CRPPA: variants seen among roughly 807,000 people sequenced by gnomAD.
The protein encoded by CRPPA is CDP-L-ribitol pyrophosphorylase A.
Under a neutral mutation model 52.0 loss-of-function variants are expected in CRPPA, and 43 were observed. The ratio of observed to expected loss-of-function variants is 0.83; its 90% CI spans 0.65 to 1.07. CRPPA has a LOEUF of 1.07. Ranked by LOEUF, CRPPA falls within the 50% of genes least tolerant of loss-of-function variation. CRPPA has a pLI of 0.00. For synonymous variants in CRPPA, 250 were observed against 203.5 expected, an observed-to-expected ratio of 1.23 and a Z score of -1.94; for missense variants, 629 against 551.7, an observed-to-expected ratio of 1.14 and a Z score of -1.40.
At chr7:16,297,041 T>C (rs1784688598) in intron 5 of CRPPA, among the ~76,000 whole-genome samples, 1 of 152,202 alleles carries the variant, frequency 6.6e-6, no homozygotes, top group East Asian at 1.9e-4. Flanking sequence ...ATCCAGCATC[T>C]GCTTTAGCAG....
intron 9 of CRPPA, among the ~76,000 whole-genome samples, chr7:16,212,129 C>T (rs41477654): frequency 0.026 from 3,963 of 151,958 alleles, 122 homozygotes; most frequent in East Asian, 0.14. Context: ...GATCTGCAGT[C>T]GTAGGAACAA....
At chr7:16,213,487 A>G (rs1330773423) in intron 9 of CRPPA, among the ~76,000 whole-genome samples, 2 of 151,994 alleles carry the variant, frequency 1.3e-5, no homozygotes, top group Admixed American at 1.3e-4. Context: ...GGTGGCTCAC[A>G]CCTGTAATCC....
At chr7:16,340,626 A>C (rs560011129) in intron 3 of CRPPA, among the ~76,000 whole-genome samples, 2,116 of 148,646 alleles carry the variant, frequency 0.014, 59 homozygotes, top group African/African-American at 0.05. Flanking sequence ...GAAAAAAAAA[A>C]CGAAAAAACC....
intron 9 of CRPPA, among the ~76,000 whole-genome samples, chr7:16,092,198 G>A (rs768926006): frequency 1.1e-4 from 16 of 152,036 alleles, no homozygotes; most frequent in Non-Finnish European, 1.8e-4. Flanking sequence ...TGTGAGTACC[G>A]GTATAGGGGG....
In CRPPA at chr7:16,159,989, T is replaced by C. The variant is rs1238269466; in HGVS notation, c.1251+56077A>G. On this transcript the variant is annotated intron_variant, in intron 9 of 9. Coordinates refer to ENST00000407010, the MANE Select transcript of CRPPA (RefSeq NM_001101426.4). The stretch of plus-strand genomic sequence containing the variant: ...CATAACCGTCTTCTTTTGAAAAGTG[T>C]CTGTTCATATCCTTTGCCCACTTTT... Among the ~76,000 whole-genome samples, 5 of 152,262 alleles carry C rather than the reference T, an allele frequency of 3.3e-5. No homozygotes were observed. The East Asian group carries it at 5.8e-4, about 18-fold the overall frequency.
chr7:16,288,801 G>A (rs141513968), intron 5 of CRPPA, among the ~76,000 whole-genome samples: 142 of 120,984 alleles, frequency 1.2e-3, no homozygotes, highest in African/African-American at 4.5e-3. Flanking sequence ...AGCTGATATC[G>A]CACCACTGCA....
chr7:16,307,756 C>T lies in CRPPA; in HGVS notation c.789+767G>A, dbSNP rs549305421. ...CCTGCCACAGGAAACAGTCTAATTC[C>T]TCACAGTGGGACAGAAAGTGGATCC... On this transcript the variant is annotated intron_variant, in intron 4 of 9. Coordinates refer to ENST00000407010, the MANE Select transcript of CRPPA (RefSeq NM_001101426.4). Among the ~76,000 whole-genome samples the T allele has an allele frequency of 2.7e-5, 4 of 150,292 alleles. No homozygotes were observed. In the East Asian group the frequency reaches 7.9e-4, roughly 30 times the overall value.
chr7:16,196,363 C>T (rs1781733284), intron 9 of CRPPA, among the ~76,000 whole-genome samples: 1 of 152,074 alleles, frequency 6.6e-6, no homozygotes, highest in Admixed American at 6.6e-5. Context: ...GTGCCTGGTG[C>T]ACACCGTGCT....
Position 16,258,920 on chromosome 7 carries a change from A to C in CRPPA, c.1026T>G (p.Asn342Lys), listed in dbSNP as rs1398513357. 6.2e-7 allele frequency: 1 copy of C among 1,603,362 alleles called. No individual in the cohort carries two copies. Among genetic ancestry groups the C allele is most frequent in the Non-Finnish European group, 8.5e-7 (1 of 1,172,938 alleles). Reference protein sequence around the residue: ...LDQCYNFVCVNVTTSDFQETQ... With the variant: ...LDQCYNFVCVKVTTSDFQETQ... ...CCTTCAATCATTTGAATTGACTTAC[A>C]TTCACACAAACAAAATTGTAGCATT... is the stretch of plus-strand genomic sequence containing the variant. The change falls in exon 7 of 10, where the codon AAT becomes AAG. Residue 342 changes from asparagine (N) to lysine (K), a missense_variant and splice_region_variant. Physicochemically the swap from Asn to Lys is moderately conservative, Grantham distance 94 (BLOSUM62 0). Transcript: ENST00000407010.
At position 16,274,977 on chromosome 7, in the gene CRPPA, G is replaced by C. The variant is rs151113375; in HGVS notation, c.933+3152C>G. Among the ~76,000 whole-genome samples the C allele has an allele frequency of 4.6e-3, 694 of 152,262 alleles. 4 individuals carry two copies. The highest frequency in any genetic ancestry group is 0.016 in the African/African-American group (666 of 41,534). On this transcript the variant is annotated intron_variant, in intron 6 of 9. Coordinates refer to ENST00000407010, the MANE Select transcript of CRPPA (RefSeq NM_001101426.4). ...CTATAAAACCAATATTTGGGAGGCT[G>C]AGGCACGAGAATCATTTGAACCTGG...
At chr7:16,321,199 G>A (rs1479768847) in intron 3 of CRPPA, among the ~76,000 whole-genome samples, 2 of 152,008 alleles carry the variant, frequency 1.3e-5, no homozygotes, top group African/African-American at 4.8e-5. Flanking sequence ...AAGTAATACA[G>A]GAAACAATGT....
chr7:16,356,378 A>G (rs1468006483), intron 3 of CRPPA, among the ~76,000 whole-genome samples: 1 of 152,172 alleles, frequency 6.6e-6, no homozygotes, highest in Non-Finnish European at 1.5e-5. Flanking sequence ...TGCTCTTATA[A>G]TGACTGTGGT....
intron 8 of CRPPA, among the ~76,000 whole-genome samples, chr7:16,230,111 G>T (rs1346863320): frequency 6.6e-6 from 1 of 151,898 alleles, no homozygotes; most frequent in Non-Finnish European, 1.5e-5. Flanking sequence ...ATATGTCTTG[G>T]AGAGTCACCT....
intron 2 of CRPPA, among the ~76,000 whole-genome samples, chr7:16,380,469 T>C (rs1471705608): frequency 6.6e-6 from 1 of 152,194 alleles, no homozygotes; most frequent in East Asian, 1.9e-4. Context: ...GTTGTGTCTC[T>C]GCCCGGCTTT....
chr7:16,293,907 A>C (rs1784615721), intron 5 of CRPPA, among the ~76,000 whole-genome samples: 1 of 151,966 alleles, frequency 6.6e-6, no homozygotes, highest in South Asian at 2.1e-4. Flanking sequence ...TGTAAGTGGT[A>C]TAGTCAAGCA....
rs1171757380 is a variant in CRPPA, at chr7:16,090,176, G to C, written c.*1519C>G. 2 of 152,066 alleles carry C rather than the reference G, an allele frequency of 1.3e-5. No homozygotes were observed. Among genetic ancestry groups the C allele is most frequent in the Non-Finnish European group, 2.9e-5 (2 of 68,024 alleles). 9.4% of individuals were successfully genotyped at this position (152,066 alleles called of 1,614,324 possible). On this transcript the variant is annotated 3_prime_UTR_variant, in exon 10 of 10. Coordinates refer to ENST00000407010, the MANE Select transcript of CRPPA (RefSeq NM_001101426.4). Reference sequence around the variant, plus strand: ...TATTCCTAGAGAGAGAAAAAGGGCAGGCCCAGGAATTTAGATACAAGCCTA... The same window carrying C: ...TATTCCTAGAGAGAGAAAAAGGGCACGCCCAGGAATTTAGATACAAGCCTA...
intron 8 of CRPPA, among the ~76,000 whole-genome samples, chr7:16,239,600 G>T (rs1486212469): frequency 1.5e-5 from 2 of 133,084 alleles, no homozygotes; most frequent in East Asian, 4.8e-4. Context: ...GAGAGAAGTT[G>T]CCAGGCATCT....
In CRPPA at chr7:16,374,232, T is replaced by A. The variant is rs191098976; in HGVS notation, c.684+1860A>T. ...ACGAAGCAGGCAGAAGAAGGTGGGATAAGCTGGCTTGCTAAGTCTTCTGGC... is the reference window on the plus strand; with the variant it reads ...ACGAAGCAGGCAGAAGAAGGTGGGAAAAGCTGGCTTGCTAAGTCTTCTGGC... On this transcript the variant is annotated intron_variant, in intron 3 of 9. Transcript: ENST00000407010. 2.6e-4 allele frequency among the ~76,000 whole-genome samples: 39 copies of A among 152,264 alleles called. No individual in the cohort carries two copies. In the East Asian group the frequency reaches 6.6e-3, roughly 26 times the overall value.
chr7:16,308,416 T>G, intron 4 of CRPPA, 107 bp downstream of exon 4: 1 of 659,098 alleles, frequency 1.5e-6, no homozygotes, highest in Non-Finnish European at 2.8e-6. Flanking sequence ...AGTAAACCCG[T>G]GAGACTCCCT....
Sources: gnomAD v4.1 joint callset for allele counts (sites outside exome capture counted in the v4.1 genomes callset) on GRCh38, gnomAD v4.1.1 for gene constraint, MANE v1.5 for transcripts, NCBI Gene and HGNC (gene_info 2026-07-23, HGNC 2026-07-21) for gene names.